NLRP5: variants seen among roughly 807,000 people sequenced by gnomAD.
NLRP5 encodes the protein NLR family pyrin domain containing 5.
A neutral mutation model predicts 113.1 loss-of-function variants in NLRP5; 93 were observed. The observed-to-expected ratio is 0.82, with a 90% CI of 0.70 to 0.98. The LOEUF (loss-of-function observed/expected upper bound fraction) is 0.98. Ranked by LOEUF, NLRP5 falls within the 50% of genes least tolerant of loss-of-function variation. The pLI, the probability that NLRP5 is intolerant of heterozygous loss-of-function variation, is 0.00. For missense variants in NLRP5, 1,808 were observed against 1,514.3 expected, an observed-to-expected ratio of 1.19 and a Z score of -3.22; for synonymous variants, 751 against 600.7, an observed-to-expected ratio of 1.25 and a Z score of -3.66.
upstream of NLRP5, among the ~76,000 whole-genome samples, chr19:55,996,371 C>CT (rs1174313391): frequency 6.6e-6 from 1 of 152,038 alleles, no homozygotes; most frequent in Non-Finnish European, 1.5e-5. Context: ...TTCTTTTATA[C>CT]TTTAAGTTCT....
intron 7 of NLRP5, among the ~76,000 whole-genome samples, chr19:56,028,968 T>C (rs1006636981): frequency 1.3e-5 from 2 of 152,124 alleles, no homozygotes; most frequent in African/African-American, 2.4e-5. Context: ...TTTCGCCACG[T>C]TGGCCAGGCT....
intron 13 of NLRP5, among the ~76,000 whole-genome samples, chr19:56,057,807 T>C (rs1019418674): frequency 1.3e-5 from 2 of 151,994 alleles, no homozygotes; most frequent in African/African-American, 4.8e-5. Flanking sequence ...AGGTGGATCA[T>C]GTGAGGTCAG....
At position 56,032,776 on chromosome 19, in the gene NLRP5, C is replaced by A; in HGVS notation, c.2442C>A (p.Thr814=). ...GGCATCCCACCTGCAAGATACAGAC[C>A]CTGATGTAAGGCTGCCCGCCCCCTA... The change falls in exon 8 of 15, where the codon ACC becomes ACA. Residue 814 remains threonine (T), a synonymous_variant. Coordinates refer to ENST00000390649, the MANE Select transcript of NLRP5 (RefSeq NM_153447.4). The A allele has an allele frequency of 6.2e-7, 1 of 1,607,068 alleles. No individual in the cohort carries two copies. The highest frequency in any genetic ancestry group is 8.5e-7 in the Non-Finnish European group (1 of 1,176,970).
At chr19:56,044,252 C>T (rs886180421) in intron 11 of NLRP5, among the ~76,000 whole-genome samples, 2 of 151,868 alleles carry the variant, frequency 1.3e-5, no homozygotes, top group Admixed American at 6.6e-5. Flanking sequence ...TTAGTAGAGA[C>T]GGGGTTTCAC....
intron 1 of NLRP5, among the ~76,000 whole-genome samples, chr19:56,003,211 A>G (rs112432327): frequency 0.18 from 27,412 of 152,084 alleles, 2,956 homozygotes; most frequent in East Asian, 0.31. Context: ...GAGTGCAATG[A>G]TGCAGTCTTG....
Position 56,028,366 on chromosome 19 carries a change from G to A in NLRP5, c.2133G>A (p.Trp711Ter). The A allele has an allele frequency of 6.2e-7, 1 of 1,613,982 alleles. No homozygotes were observed. Among genetic ancestry groups the A allele is most frequent in the South Asian group, 1.1e-5 (1 of 91,088 alleles). ...CATTAAACAGCTTCCAAGAAGTGTG[G>A]CTTCCGATTAACCAGAACCTGGACT... Residue 711 changes from tryptophan (W) to a stop codon, truncating the protein, a stop_gained, in exon 7 of 15, where the codon TGG (tryptophan) becomes TGA (stop). Transcript: ENST00000390649. LOFTEE classifies it high-confidence loss of function.
chr19:56,037,704 A>T (rs945962652), intron 9 of NLRP5, among the ~76,000 whole-genome samples: 1 of 151,172 alleles, frequency 6.6e-6, no homozygotes, highest in Non-Finnish European at 1.5e-5. Context: ...AAAAAAAAAA[A>T]AAAAAAAAAA....
chr19:56,031,015 A>G (rs371396549), intron 7 of NLRP5, among the ~76,000 whole-genome samples: 1 of 151,142 alleles, frequency 6.6e-6, no homozygotes, highest in Non-Finnish European at 1.5e-5. Context: ...CCCGGCCTCT[A>G]TTTTTCTTTT....
intron 11 of NLRP5, among the ~76,000 whole-genome samples, chr19:56,042,145 C>T (rs555623731): frequency 6.6e-6 from 1 of 152,300 alleles, no homozygotes; most frequent in East Asian, 1.9e-4. Flanking sequence ...GGACTGAGCA[C>T]TCCCGGTATT....
In NLRP5 at chr19:56,027,732, G is replaced by T; in HGVS notation, c.1499G>T (p.Gly500Val). The change falls in exon 7 of 15, where the codon GGC (glycine) becomes GTC (valine). Residue 500 changes from glycine to valine, a missense_variant. Gly to Val is a moderately radical substitution (Grantham distance 109). Transcript: ENST00000390649. ...GCCCCCTTCAACCAAACGCTCACAG[G>T]CCTGCACGCCGCTTTTGTGTTTCAT... 1 of 1,613,822 alleles carries T rather than the reference G, an allele frequency of 6.2e-7. No individual in the cohort carries two copies. Among genetic ancestry groups the T allele is most frequent in the Non-Finnish European group, 8.5e-7 (1 of 1,179,898 alleles).
chr19:56,001,340 C>CAA (rs1032640874), intron 1 of NLRP5, among the ~76,000 whole-genome samples: 4 of 140,634 alleles, frequency 2.8e-5, no homozygotes, highest in East Asian at 2.2e-4. Flanking sequence ...AAAAAACAAA[C>CAA]AAAAAACACC....
the NLRP5 span, among the ~76,000 whole-genome samples, chr19:55,990,079 C>CTTTTCTTTTTTTTTTTTTTTTTT: frequency 1.0e-5 from 1 of 95,958 alleles, no homozygotes; most frequent in Non-Finnish European, 2.0e-5. Flanking sequence ...TTTCTTTTTT[C>CTTTTCTTTTTTTTTTTTTTTTTT]TTTTTTTTTT....
chr19:55,991,701 AC>A, the NLRP5 span, among the ~76,000 whole-genome samples: 1 of 152,190 alleles, frequency 6.6e-6, no homozygotes, highest in Admixed American at 6.6e-5. Context: ...AGGCATACAT[AC>A]CTACATACAG....
chr19:55,995,413 A>G (rs1017910526), upstream of NLRP5, among the ~76,000 whole-genome samples: 2 of 152,194 alleles, frequency 1.3e-5, no homozygotes, highest in African/African-American at 4.8e-5. Flanking sequence ...ATTAAAAAAG[A>G]AAGAGTTGGC....
At chr19:56,052,273 CTGTTTTTGTTTT>C (rs1404967110) in intron 12 of NLRP5, among the ~76,000 whole-genome samples, 3 of 142,960 alleles carry the variant, frequency 2.1e-5, no homozygotes, top group Non-Finnish European at 4.8e-5. Context: ...GTTTTTGTTT[CTGTTTTTGTTTT>C]GAGACAGAGG....
chr19:56,034,160 A>G (rs527588140), intron 9 of NLRP5, among the ~76,000 whole-genome samples: 8 of 152,248 alleles, frequency 5.3e-5, no homozygotes, highest in South Asian at 2.1e-4. Context: ...AGGCCGAGGC[A>G]GGCAGATCAC....
At position 56,058,318 on chromosome 19, in the gene NLRP5, T is replaced by A; in HGVS notation, c.3378T>A (p.Ser1126Arg). 1 of 1,613,782 alleles carries A rather than the reference T, an allele frequency of 6.2e-7. No homozygotes were observed. The highest frequency in any genetic ancestry group is 8.5e-7 in the Non-Finnish European group (1 of 1,179,744). Residue 1126 changes from serine to arginine, a missense_variant, in exon 14 of 15, where the codon AGT becomes AGA. By Grantham distance (110) the Ser-to-Arg change is moderately radical. Transcript: ENST00000390649. ...TTTCCTGCAACCGGCATCTGACCAG[T>A]CTAAACCTGGTGCAGAATAACTTCA...
intron 12 of NLRP5, among the ~76,000 whole-genome samples, chr19:56,052,471 T>G (rs1161604880): frequency 6.6e-6 from 1 of 152,144 alleles, no homozygotes; most frequent in Non-Finnish European, 1.5e-5. Context: ...GGTTTCACCA[T>G]GTTGGTCAGG....
At chr19:56,048,004 C>T (rs143014272) in intron 11 of NLRP5, among the ~76,000 whole-genome samples, 1 of 152,258 alleles carries the variant, frequency 6.6e-6, no homozygotes, top group East Asian at 1.9e-4. Flanking sequence ...ACTGCTGTTG[C>T]TTTAACGTTT....
Sources: allele counts gnomAD v4.1 joint callset (sites outside exome capture counted in the v4.1 genomes callset), GRCh38; gene constraint gnomAD v4.1.1; transcripts MANE v1.5; gene names NCBI Gene and HGNC (gene_info 2026-07-23, HGNC 2026-07-21).